Variants in CDH3 observed in about 807,000 individuals in gnomAD.
CDH3 encodes the protein cadherin 3, also known as cadherin-3.
In CDH3, 54 loss-of-function variants were observed where a neutral mutation model predicts 82.0. The observed-to-expected ratio is 0.66, with a 90% CI of 0.53 to 0.83. The LOEUF is 0.83. Among genes scored for constraint, CDH3 ranks in the 40% least tolerant of loss-of-function variants. The pLI is 0.00. For missense variants in CDH3, 1,054 were observed against 1,084.6 expected (o/e 0.97, Z 0.40); for synonymous variants, 446 against 437.9 (o/e 1.02, Z -0.23).
At chr16:68,648,810 C>T (rs1960155616) in intron 2 of CDH3, among the ~76,000 whole-genome samples, 1 of 151,830 alleles carries the variant, frequency 6.6e-6, no homozygotes, top group African/African-American at 2.4e-5. Context: ...TGTTGGATCC[C>T]TGAATCCCAC....
At chr16:68,704,634 C>G (rs1320415349), downstream of CDH3, among the ~76,000 whole-genome samples, 2 of 152,260 alleles carry the variant, frequency 1.3e-5, no homozygotes, top group Non-Finnish European at 2.9e-5. Context: ...CTGCCACATG[C>G]CACACAGGGA....
At chr16:68,679,709 A>G (rs1961151754) in intron 6 of CDH3, 90 bp from the exon 7 acceptor site, 3 of 765,134 alleles carry the variant, frequency 3.9e-6, no homozygotes, top group South Asian at 1.6e-5. Context: ...AAAAAAAAAA[A>G]AAAAAAAAAG....
chr16:68,668,066 C>T (rs964295267), intron 2 of CDH3, among the ~76,000 whole-genome samples: 5 of 152,186 alleles, frequency 3.3e-5, no homozygotes, highest in South Asian at 2.1e-4. Flanking sequence ...AGAGCAGGCA[C>T]CTCTTCATCA....
At chr16:68,718,368 A>G (rs190505306) in intron 1 of CDH3, among the ~76,000 whole-genome samples, 45 of 152,198 alleles carry the variant, frequency 3.0e-4, no homozygotes, top group African/African-American at 1.0e-3. Flanking sequence ...AAAACAGACT[A>G]AGACAGCCAC....
rs560162428 is a variant in CDH3 at position 68,697,273 on chromosome 16, G to A, written c.2281-918G>A. Among the ~76,000 whole-genome samples the A allele has an allele frequency of 6.0e-4, 90 of 151,142 alleles. 1 individual carries two copies. Among genetic ancestry groups the A allele is most frequent in the Middle Eastern group, 3.4e-3 (1 of 294 alleles). ...CAGGAGGTGGAGGTTGCAGTGAGCCGAGATCACATCATTGCACTCCAGCCT... is the reference window on the plus strand; with the variant it reads ...CAGGAGGTGGAGGTTGCAGTGAGCCAAGATCACATCATTGCACTCCAGCCT... On this transcript the variant is annotated intron_variant, in intron 15 of 15. Coordinates refer to ENST00000264012, the MANE Select transcript of CDH3 (RefSeq NM_001793.6).
intron 2 of CDH3, among the ~76,000 whole-genome samples, chr16:68,673,876 T>C (rs2147849): frequency 0.18 from 27,297 of 151,856 alleles, 3,015 homozygotes; most frequent in African/African-American, 0.31. Context: ...GGTGAGCCAC[T>C]GTACCATAGC....
chr16:68,711,538 C>T (rs948115660), intron 1 of CDH3, among the ~76,000 whole-genome samples: 7 of 152,072 alleles, frequency 4.6e-5, no homozygotes, highest in Non-Finnish European at 4.4e-5. Context: ...GGGCTGGCTG[C>T]GCCCATGCCA....
intron 1 of CDH3, among the ~76,000 whole-genome samples, chr16:68,709,487 C>T (rs1463319854): frequency 6.6e-6 from 1 of 152,106 alleles, no homozygotes; most frequent in African/African-American, 2.4e-5. Context: ...GTTGCAGGGT[C>T]TCCCTCCGTC....
intron 2 of CDH3, among the ~76,000 whole-genome samples, chr16:68,723,835 C>T (rs1409055944): frequency 3.3e-5 from 5 of 151,966 alleles, no homozygotes; most frequent in Admixed American, 6.6e-5. Context: ...TTTGGGAGGC[C>T]GAGGTGGGTG....
intron 1 of CDH3, among the ~76,000 whole-genome samples, chr16:68,716,911 T>A (rs1212076742): frequency 6.6e-6 from 1 of 150,728 alleles, no homozygotes; most frequent in African/African-American, 2.4e-5. Context: ...TTTTTTTTTT[T>A]AAGTAGAGAC....
chr16:68,724,419 G>A (rs1262342819), intron 2 of CDH3, among the ~76,000 whole-genome samples: 1 of 151,540 alleles, frequency 6.6e-6, no homozygotes, highest in African/African-American at 2.4e-5. Context: ...AGGAGTTCAA[G>A]ACCAGCCTGG....
Position 68,645,655 on chromosome 16 carries a change from C to A in CDH3, c.65C>A (p.Ala22Glu), listed in dbSNP as rs1293518261. 2.1e-5 allele frequency: 33 copies of A among 1,542,812 alleles called. No homozygotes were observed. Among genetic ancestry groups the A allele is most frequent in the Non-Finnish European group, 2.8e-5 (32 of 1,146,612 alleles). ...LLLQVCWLQC[A>E]ASEPCRAVFR... Reference sequence around the variant, plus strand: ...GCGCAGGTTTGCTGGCTGCAGTGCGCGGCCTCCGAGCCGTGCCGGGCGGTC... The same window carrying A: ...GCGCAGGTTTGCTGGCTGCAGTGCGAGGCCTCCGAGCCGTGCCGGGCGGTC... The change falls in exon 2 of 16, where the codon GCG (alanine) becomes GAG (glutamate). Residue 22 changes from alanine to glutamate, a missense_variant. Coordinates refer to ENST00000264012, the MANE Select transcript of CDH3 (RefSeq NM_001793.6).
intron 2 of CDH3, among the ~76,000 whole-genome samples, chr16:68,671,931 C>A (rs899742527): frequency 6.6e-6 from 1 of 152,088 alleles, no homozygotes; most frequent in African/African-American, 2.4e-5. Context: ...AGGGACACAA[C>A]TCGTGTTAAG....
chr16:68,679,724 GA>G (rs1961154832), intron 6 of CDH3, 74 bp from the exon 7 acceptor site: 2 of 578,346 alleles, frequency 3.5e-6, no homozygotes, highest in Non-Finnish European at 5.8e-6. Context: ...AAAAAGAAAA[GA>G]AAAAAAGAGT....
intron 12 of CDH3, among the ~76,000 whole-genome samples, chr16:68,688,781 T>A (rs1961485800): frequency 6.6e-6 from 1 of 152,090 alleles, no homozygotes; most frequent in Admixed American, 6.6e-5. Flanking sequence ...ACCATGCCCA[T>A]CTAATTTTTG....
At chr16:68,672,186 G>A (rs1186467413) in intron 2 of CDH3, among the ~76,000 whole-genome samples, 4 of 99,234 alleles carry the variant, frequency 4.0e-5, no homozygotes, top group Admixed American at 1.1e-4. Context: ...GCGAGACTCC[G>A]TCTCAAAAAA....
At position 68,678,288 on chromosome 16, in the gene CDH3, G is replaced by A. The variant is rs760740420; in HGVS notation, c.390+11G>A. On this transcript the variant is annotated intron_variant, in intron 4 of 15. Coordinates refer to ENST00000264012, the MANE Select transcript of CDH3 (RefSeq NM_001793.6). ...CAGAGACTGAATCAGGTACGACTGT[G>A]CCTTCTCCTGGGAAGCATTGGTGGC... 44 of 1,613,956 alleles carry A rather than the reference G, an allele frequency of 2.7e-5. No homozygotes were observed. The highest frequency in any genetic ancestry group is 4.4e-5 in the South Asian group (4 of 91,082).
chr16:68,662,700 A>T (rs1394078089), intron 2 of CDH3, among the ~76,000 whole-genome samples: 1 of 150,662 alleles, frequency 6.6e-6, no homozygotes, highest in African/African-American at 2.4e-5. Flanking sequence ...ACCCGCCACC[A>T]CGCCCGGCTA....
At chr16:68,672,132 G>A (rs1206705597) in intron 2 of CDH3, among the ~76,000 whole-genome samples, 2 of 150,860 alleles carry the variant, frequency 1.3e-5, no homozygotes, top group African/African-American at 4.9e-5. Flanking sequence ...GGCGGAGCCT[G>A]CAGTGAGCCG....
Sources: gnomAD v4.1 joint callset for allele counts (sites outside exome capture counted in the v4.1 genomes callset) on GRCh38, gnomAD v4.1.1 for gene constraint, MANE v1.5 for transcripts, NCBI Gene and HGNC (gene_info 2026-07-23, HGNC 2026-07-21) for gene names.